MPRIP: variants seen among roughly 807,000 people sequenced by gnomAD.
MPRIP encodes myosin phosphatase Rho-interacting protein.
MPRIP carries 59 observed loss-of-function variants against 234.9 expected under a neutral mutation model. The observed-to-expected ratio is 0.25, with a 90% CI of 0.20 to 0.31. The LOEUF (loss-of-function observed/expected upper bound fraction) is 0.31, where lower values mean the gene tolerates loss of function less well. Ranked by LOEUF, MPRIP falls within the 10% of genes least tolerant of loss-of-function variation. MPRIP has a pLI of 1.00. For synonymous variants in MPRIP, 1,144 were observed against 1,263.9 expected (o/e 0.91, Z 2.01); for missense variants, 2,436 against 3,071.0 (o/e 0.79, Z 4.89).
intron 12 of MPRIP, among the ~76,000 whole-genome samples, chr17:17,153,463 G>T (rs992090795): frequency 4.0e-5 from 6 of 151,894 alleles, no homozygotes. Flanking sequence ...CCCCTGCCTG[G>T]TACCCAGGCA....
At chr17:17,049,687 GC>G (rs2085413541) in intron 1 of MPRIP, among the ~76,000 whole-genome samples, 2 of 152,176 alleles carry the variant, frequency 1.3e-5, no homozygotes, top group Admixed American at 1.3e-4. Flanking sequence ...GGTTTTGCAG[GC>G]CAACAGGCAA....
At chr17:17,052,282 T>TAAAA (rs1476760913) in intron 1 of MPRIP, among the ~76,000 whole-genome samples, 1 of 152,028 alleles carries the variant, frequency 6.6e-6, no homozygotes, top group Non-Finnish European at 1.5e-5. Context: ...CTCCTTAGTG[T>TAAAA]TTTTGTTTGG....
At chr17:17,094,869 C>T (rs2089803906) in intron 3 of MPRIP, among the ~76,000 whole-genome samples, 1 of 152,078 alleles carries the variant, frequency 6.6e-6, no homozygotes, top group South Asian at 2.1e-4. Context: ...ACCTTGGCCT[C>T]CCAAAGTGCT....
At chr17:17,123,724 AG>A (rs777917117) in intron 3 of MPRIP, among the ~76,000 whole-genome samples, 1,687 of 148,408 alleles carry the variant, frequency 0.011, 32 homozygotes, top group African/African-American at 0.039. Flanking sequence ...AAAAAAAAAA[AG>A]AAAGAAAAAA....
At chr17:17,087,854 T>C (rs1468394853) in intron 3 of MPRIP, among the ~76,000 whole-genome samples, 1 of 152,236 alleles carries the variant, frequency 6.6e-6, no homozygotes, top group Admixed American at 6.5e-5. Flanking sequence ...CAGGCCGCAC[T>C]GAGAGGATTT....
At chr17:17,181,423 C>G (rs1223152861) in intron 23 of MPRIP, 1 of 152,330 alleles carries the variant, frequency 6.6e-6, no homozygotes, top group Admixed American at 6.5e-5. Context: ...CCCCGCCGTC[C>G]GAAGGACTTC....
At chr17:17,057,538 A>T in intron 1 of MPRIP, 1 of 711,168 alleles carries the variant, frequency 1.4e-6, no homozygotes, top group Non-Finnish European at 2.6e-6. Flanking sequence ...AGAGCCCCAC[A>T]GTGGTCCCCA....
intron 12 of MPRIP, among the ~76,000 whole-genome samples, chr17:17,153,971 G>A (rs2045668119): frequency 6.6e-6 from 1 of 152,166 alleles, no homozygotes; most frequent in Non-Finnish European, 1.5e-5. Flanking sequence ...CCGAGGCTGG[G>A]AACTCCTTAA....
Position 17,177,402 on chromosome 17 carries a change from G to A in MPRIP, c.7110G>A (p.Val2370=), listed in dbSNP as rs769627720. 2 of 1,613,484 alleles carry A rather than the reference G, an allele frequency of 1.2e-6. No homozygotes were observed. Among genetic ancestry groups the A allele is most frequent in the Non-Finnish European group, 8.5e-7 (1 of 1,179,878 alleles). ...AGAAGTCCCCTGACAGTGCCACGGT[G>A]TCCGGATATGGTGCGTCCTCGGGTC... ...LGEKSPDSAT[V]SGYDIMKSKS... Residue 2370 remains valine (V), a synonymous_variant, in exon 22 of 24, where the codon GTG becomes GTA. Coordinates refer to ENST00000651222, the MANE Select transcript of MPRIP (RefSeq NM_001364716.4).
intron 10 of MPRIP, 41 bp downstream of exon 10, chr17:17,146,133 G>C (rs1214944617): frequency 1.3e-6 from 2 of 1,589,096 alleles, no homozygotes; most frequent in Non-Finnish European, 1.7e-6. Context: ...GGGATCTGGG[G>C]ACAGGGTGAG....
chr17:17,169,389 A>G (rs2046081417), intron 16 of MPRIP, among the ~76,000 whole-genome samples: 1 of 152,166 alleles, frequency 6.6e-6, no homozygotes, highest in Non-Finnish European at 1.5e-5. Flanking sequence ...AGGCCCCTCC[A>G]CACCGAGGCT....
intron 3 of MPRIP, among the ~76,000 whole-genome samples, chr17:17,104,992 T>C (rs1170884997): frequency 1.3e-5 from 2 of 152,108 alleles, no homozygotes; most frequent in Non-Finnish European, 2.9e-5. Flanking sequence ...TCCAGGTGCT[T>C]TGGTAGAGTG....
At chr17:17,111,327 G>A (rs1326519140) in intron 3 of MPRIP, among the ~76,000 whole-genome samples, 1 of 143,912 alleles carries the variant, frequency 6.9e-6, no homozygotes, top group East Asian at 2.5e-4. Context: ...GCAGGTGCCA[G>A]TGGCCTTGCC....
At chr17:17,184,775 G>A in intron 23 of MPRIP, 48 bp from the exon 24 acceptor site, 1 of 1,445,924 alleles carries the variant, frequency 6.9e-7, no homozygotes, top group Non-Finnish European at 9.7e-7. Context: ...CCAGTGCAGG[G>A]GGTCTAACGG....
At chr17:17,152,300 T>A (rs890292165) in intron 12 of MPRIP, among the ~76,000 whole-genome samples, 3 of 152,260 alleles carry the variant, frequency 2.0e-5, no homozygotes, top group African/African-American at 7.2e-5. Flanking sequence ...CCTCCTCTCC[T>A]GCCGTCCACC....
At chr17:17,045,154 T>G (rs963694403) in intron 1 of MPRIP, among the ~76,000 whole-genome samples, 4 of 152,106 alleles carry the variant, frequency 2.6e-5, no homozygotes, top group African/African-American at 9.7e-5. Flanking sequence ...TTTTAGACCG[T>G]CAAAGCTGGA....
chr17:17,071,338 C>T (rs1362012062), intron 1 of MPRIP, among the ~76,000 whole-genome samples: 2 of 152,014 alleles, frequency 1.3e-5, no homozygotes, highest in Non-Finnish European at 2.9e-5. Context: ...TGGTTGTGTG[C>T]CCATTGGCGT....
At position 17,085,322 on chromosome 17, in the gene MPRIP, A is replaced by G. The variant is rs1325226602; in HGVS notation, c.267+7246A>G. ...TTTCAGAATCAGATCATTTAAAAAA[A>G]CAACTTTGGACTCGGGTGTGTTTTC... On this transcript the variant is annotated intron_variant, in intron 3 of 23. Coordinates refer to ENST00000651222, the MANE Select transcript of MPRIP (RefSeq NM_001364716.4). Among the ~76,000 whole-genome samples, 3 of 152,196 alleles carry G rather than the reference A, an allele frequency of 2.0e-5. No homozygotes were observed. In the East Asian group the frequency reaches 5.8e-4, roughly 29 times the overall value.
chr17:17,104,067 G>C (rs1378048559), intron 3 of MPRIP, among the ~76,000 whole-genome samples: 1 of 152,150 alleles, frequency 6.6e-6, no homozygotes, highest in East Asian at 1.9e-4. Context: ...AATAATGTCT[G>C]TTTGATTTGT....
Sources: allele counts gnomAD v4.1 joint callset (sites outside exome capture counted in the v4.1 genomes callset), GRCh38; gene constraint gnomAD v4.1.1; transcripts MANE v1.5; gene names NCBI Gene and HGNC (gene_info 2026-07-23, HGNC 2026-07-21).